The following TMEM51 variants were observed in gnomAD, a reference collection of about 807,000 sequenced individuals.
The protein encoded by TMEM51 is transmembrane protein 51, also known as chromosome 1 open reading frame 72.
Under a neutral mutation model 13.6 loss-of-function variants are expected in TMEM51, and 8 were observed. The observed-to-expected ratio is 0.59, with a 90% CI of 0.35 to 1.07. The LOEUF is 1.07. Among genes scored for constraint, TMEM51 ranks in the 50% least tolerant of loss-of-function variants. The pLI is 0.02. For synonymous variants in TMEM51, 147 were observed against 144.4 expected, an observed-to-expected ratio of 1.02 and a Z score of -0.13; for missense variants, 279 against 330.7, an observed-to-expected ratio of 0.84 and a Z score of 1.21.
At chr1:15,167,410 G>A (rs1643061955) in intron 1 of TMEM51, among the ~76,000 whole-genome samples, 1 of 150,698 alleles carries the variant, frequency 6.6e-6, no homozygotes, top group Non-Finnish European at 1.5e-5. Flanking sequence ...TGAATGTGCA[G>A]GACGACAGTT....
In TMEM51 at chr1:15,220,065, A is replaced by G. The variant is rs1455286205; in HGVS notation, c.*322A>G. On this transcript the variant is annotated 3_prime_UTR_variant, in exon 4 of 4. Coordinates refer to ENST00000376008, the MANE Select transcript of TMEM51 (RefSeq NM_001136218.2). ...ACACATTCTCCTTTCCAGCTAGGAA[A>G]GGGTTCCTCGCGGCTGGTTTAGATT... 9.1e-6 allele frequency: 3 copies of G among 330,004 alleles called. No individual in the cohort carries two copies. The highest frequency in any genetic ancestry group is 1.7e-5 in the Non-Finnish European group (3 of 179,290). 20.4% of individuals were successfully genotyped at this position (330,004 alleles called of 1,614,324 possible). A position where few individuals can be genotyped will look rare whatever the true frequency, so the allele number is the denominator to read the frequency against.
At chr1:15,181,145 T>G (rs1337349548) in intron 1 of TMEM51, among the ~76,000 whole-genome samples, 4 of 152,224 alleles carry the variant, frequency 2.6e-5, no homozygotes, top group African/African-American at 9.6e-5. Flanking sequence ...CCTCAGTTTC[T>G]TCATCTTTAA....
intron 2 of TMEM51, among the ~76,000 whole-genome samples, chr1:15,212,939 G>C (rs978140202): frequency 8.5e-5 from 13 of 152,250 alleles, no homozygotes; most frequent in African/African-American, 3.1e-4. Flanking sequence ...TTCAAGAGCA[G>C]AGCCAGTGCG....
In TMEM51 at chr1:15,190,191, C is replaced by T. The variant is rs150738741; in HGVS notation, c.-266-20299C>T. ...CTGGACTCACTATCTGTCTCACAGCCGTGCTCTGCTACTTATTAACATGAG... is the reference window on the plus strand; with the variant it reads ...CTGGACTCACTATCTGTCTCACAGCTGTGCTCTGCTACTTATTAACATGAG... On this transcript the variant is annotated intron_variant, in intron 1 of 3. Coordinates refer to ENST00000376008, the MANE Select transcript of TMEM51 (RefSeq NM_001136218.2). Among the ~76,000 whole-genome samples the T allele has an allele frequency of 1.4e-3, 213 of 152,270 alleles. 3 individuals are homozygous for T. Among genetic ancestry groups the T allele is most frequent in the Non-Finnish European group, 1.1e-3 (73 of 68,034 alleles).
At chr1:15,182,123 T>C (rs1643635086) in intron 1 of TMEM51, among the ~76,000 whole-genome samples, 1 of 151,866 alleles carries the variant, frequency 6.6e-6, no homozygotes, top group Non-Finnish European at 1.5e-5. Flanking sequence ...ATTGCGCCAT[T>C]GCACTCCAAC....
At chr1:15,178,507 C>T (rs891240517) in intron 1 of TMEM51, among the ~76,000 whole-genome samples, 2 of 152,196 alleles carry the variant, frequency 1.3e-5, no homozygotes, top group African/African-American at 4.8e-5. Flanking sequence ...TAGCAGACCG[C>T]AAGGTAGTGC....
chr1:15,172,882 G>T (rs561506467), intron 1 of TMEM51, among the ~76,000 whole-genome samples: 1 of 152,280 alleles, frequency 6.6e-6, no homozygotes, highest in African/African-American at 2.4e-5. Flanking sequence ...CTGCTCATTG[G>T]TCACTTAGGA....
intron 3 of TMEM51, among the ~76,000 whole-genome samples, chr1:15,218,787 T>C (rs1048079381): frequency 1.3e-5 from 2 of 152,190 alleles, no homozygotes; most frequent in Admixed American, 1.3e-4. Flanking sequence ...CTTTCCATGG[T>C]AACGACCCAG....
chr1:15,213,407 A>G (rs186002487), intron 2 of TMEM51, among the ~76,000 whole-genome samples: 19 of 152,324 alleles, frequency 1.2e-4, no homozygotes, highest in Admixed American at 3.9e-4. Context: ...CCTTTCGGAG[A>G]GACTGGAAAA....
chr1:15,154,589 A>G (rs1642522886), intron 1 of TMEM51, among the ~76,000 whole-genome samples: 1 of 152,070 alleles, frequency 6.6e-6, no homozygotes, highest in Admixed American at 6.5e-5. Flanking sequence ...GCAAGCACTC[A>G]GCGGTAAGTT....
upstream of TMEM51, chr1:15,152,837 C>T (rs892473179): frequency 1.9e-4 from 29 of 151,768 alleles, no homozygotes; most frequent in Admixed American, 1.4e-3. Flanking sequence ...GCCAGAACTC[C>T]GTGGCGGCTC....
intron 1 of TMEM51, among the ~76,000 whole-genome samples, chr1:15,160,302 G>A (rs4661584): frequency 1.3e-5 from 2 of 151,894 alleles, no homozygotes; most frequent in African/African-American, 4.8e-5. Context: ...GAGACAGAGT[G>A]TCACTCTGTT....
chr1:15,204,745 C>T (rs1376055666), intron 1 of TMEM51, among the ~76,000 whole-genome samples: 1 of 152,154 alleles, frequency 6.6e-6, no homozygotes, highest in Non-Finnish European at 1.5e-5. Flanking sequence ...ACAGTACCTC[C>T]CTTATATGAC....
At chr1:15,212,816 T>C (rs1001877045) in intron 2 of TMEM51, among the ~76,000 whole-genome samples, 2 of 152,262 alleles carry the variant, frequency 1.3e-5, no homozygotes, top group Non-Finnish European at 1.5e-5. Context: ...TCCATACATA[T>C]GCATGCATAT....
In TMEM51 at chr1:15,154,310, A is replaced by C. The variant is rs1166980421; in HGVS notation, c.-267+356A>C. Among the ~76,000 whole-genome samples, 3 of 152,174 alleles carry C rather than the reference A, an allele frequency of 2.0e-5. No homozygotes were observed. In the East Asian group the frequency reaches 5.8e-4, roughly 29 times the overall value. ...GAAGCGCTTTCAGCGCGTGGTTAGG[A>C]GCAGAACTTCCCAGTAGGTCCCAGG... On this transcript the variant is annotated intron_variant, in intron 1 of 3. Transcript: ENST00000376008.
At position 15,207,961 on chromosome 1, in the gene TMEM51, T is replaced by C. The variant is rs1281963982; in HGVS notation, c.-266-2529T>C. ...GACTGGGAATTTCCCCTCATTGATA[T>C]GAGACATTGGTTCAACTTTTAAACT... On this transcript the variant is annotated intron_variant, in intron 1 of 3. Transcript: ENST00000376008. The surrounding 1 kb of genome is among the most constrained non-coding windows in gnomAD (Gnocchi z 4.6). 6.6e-6 allele frequency among the ~76,000 whole-genome samples: 1 copy of C among 152,246 alleles called. No homozygotes were observed. Among genetic ancestry groups the C allele is most frequent in the African/African-American group, 2.4e-5 (1 of 41,460 alleles).
intron 3 of TMEM51, 46 bp downstream of exon 3, chr1:15,215,477 C>G: frequency 6.7e-7 from 1 of 1,482,294 alleles, no homozygotes; most frequent in Non-Finnish European, 9.1e-7. Context: ...GGGATGGGCA[C>G]GCACGCATGC....
At position 15,219,362 on chromosome 1, in the gene TMEM51, A is replaced by G. The variant is rs1385316434; in HGVS notation, c.381A>G (p.Ser127=). The change falls in exon 4 of 4, where the codon TCA becomes TCG. Residue 127 remains serine, a synonymous_variant. Transcript: ENST00000376008. ...AAGAGGAGGATGAGGAGGCTGCCTC[A>G]AGGTACTATGTTCCCAGCTACGAGG... ...EEEEEDEEAA[S]RYYVPSYEEV... is the part of the protein sequence containing the mutation. 3 of 1,600,032 alleles carry G rather than the reference A, an allele frequency of 1.9e-6. No individual in the cohort carries two copies. In the East Asian group the frequency reaches 6.7e-5, roughly 36 times the overall value.
intron 2 of TMEM51, among the ~76,000 whole-genome samples, chr1:15,212,854 T>C (rs1489178033): frequency 6.6e-6 from 1 of 152,242 alleles, no homozygotes; most frequent in Non-Finnish European, 1.5e-5. Flanking sequence ...CGCATGCACA[T>C]GTGCTCATGT....
Sources: gnomAD v4.1 joint callset for allele counts (sites outside exome capture counted in the v4.1 genomes callset) on GRCh38, gnomAD v4.1.1 for gene constraint, Gnocchi (gnomAD v3.1) non-coding constraint, MANE v1.5 for transcripts, NCBI Gene and HGNC (gene_info 2026-07-23, HGNC 2026-07-21) for gene names.